PKP4: variants seen among roughly 807,000 people sequenced by gnomAD.
The protein encoded by PKP4 is plakophilin-4.
A neutral mutation model predicts 145.1 loss-of-function variants in PKP4; 90 were observed. That is an observed-to-expected ratio of 0.62 (90% CI 0.52 to 0.74). The LOEUF (loss-of-function observed/expected upper bound fraction) is 0.74, where lower values mean the gene tolerates loss of function less well. PKP4 is among the 30% of genes least tolerant of loss of function. The pLI, the probability that PKP4 is intolerant of heterozygous loss-of-function variation, is 0.00. For missense variants in PKP4, 1,340 were observed against 1,482.7 expected (o/e 0.90, Z 1.58); for synonymous variants, 563 against 577.2 (o/e 0.98, Z 0.35).
Position 158,625,272 on chromosome 2 carries a change from T to G in PKP4, c.998T>G (p.Val333Gly), listed in dbSNP as rs1443452571. 1 of 1,614,148 alleles carries G rather than the reference T, an allele frequency of 6.2e-7. No homozygotes were observed. Among genetic ancestry groups the G allele is most frequent in the Non-Finnish European group, 8.5e-7 (1 of 1,180,014 alleles). ...GTAGCTTCCCCATCCCAAGGCCAGG[T>G]GGGGTCGTCGTCCCCCAAACGCTCA... ...TRVASPSQGQ[V>G]GSSSPKRSGM... Residue 333 changes from valine (V) to glycine (G), a missense_variant, in exon 7 of 22, where the codon GTG becomes GGG. By Grantham distance (109) the Val-to-Gly change is moderately radical. Coordinates refer to ENST00000389759, the MANE Select transcript of PKP4 (RefSeq NM_003628.6).
chr2:158,635,076 T>C lies in PKP4; in HGVS notation c.1562+787T>C, dbSNP rs1574889430. On this transcript the variant is annotated intron_variant, in intron 9 of 21. Coordinates refer to ENST00000389759, the MANE Select transcript of PKP4 (RefSeq NM_003628.6). Reference sequence around the variant, plus strand: ...CTTTAGTGTTATTTTAAGGCATGTATGCAAGATTTCATTCACTCTTCGCCC... The same window carrying C: ...CTTTAGTGTTATTTTAAGGCATGTACGCAAGATTTCATTCACTCTTCGCCC... Among the ~76,000 whole-genome samples the C allele has an allele frequency of 4.6e-5, 7 of 152,322 alleles. No homozygotes were observed. In the South Asian group the frequency reaches 1.4e-3, roughly 32 times the overall value.
At chr2:158,620,230 A>T (rs2105889989) in intron 4 of PKP4, among the ~76,000 whole-genome samples, 1 of 152,302 alleles carries the variant, frequency 6.6e-6, no homozygotes, top group South Asian at 2.1e-4. Flanking sequence ...TTAGAGAAAG[A>T]AGGACATACG....
intron 4 of PKP4, among the ~76,000 whole-genome samples, chr2:158,605,112 T>C (rs1366290573): frequency 1.3e-5 from 2 of 152,268 alleles, no homozygotes; most frequent in South Asian, 2.1e-4. Context: ...CAACAAAGTA[T>C]TCCAAGGGCC....
chr2:158,489,443 G>A (rs900308109), intron 1 of PKP4, among the ~76,000 whole-genome samples: 9 of 152,158 alleles, frequency 5.9e-5, no homozygotes, highest in African/African-American at 2.2e-4. Flanking sequence ...ATGATTGGCT[G>A]CTTGTCTTTT....
At chr2:158,651,951 G>A (rs1006274689) in intron 11 of PKP4, among the ~76,000 whole-genome samples, 5 of 152,104 alleles carry the variant, frequency 3.3e-5, no homozygotes, top group African/African-American at 4.8e-5. Context: ...ACTGTTTGTG[G>A]TAAGGCCCCC....
At chr2:158,521,214 C>G (rs2042343646) in intron 1 of PKP4, among the ~76,000 whole-genome samples, 1 of 152,130 alleles carries the variant, frequency 6.6e-6, no homozygotes, top group Non-Finnish European at 1.5e-5. Flanking sequence ...GGGATAGTTA[C>G]CATTATTCCA....
chr2:158,610,247 T>G (rs1170776075), intron 4 of PKP4, among the ~76,000 whole-genome samples: 2 of 152,228 alleles, frequency 1.3e-5, no homozygotes, highest in Non-Finnish European at 2.9e-5. Flanking sequence ...AATGTTATGT[T>G]AGCGCTCCCT....
At chr2:158,477,928 A>G (rs1692745350) in intron 1 of PKP4, among the ~76,000 whole-genome samples, 1 of 152,232 alleles carries the variant, frequency 6.6e-6, no homozygotes, top group Admixed American at 6.5e-5. Context: ...ATGCCAATAA[A>G]TAAATTGATG....
intron 1 of PKP4, among the ~76,000 whole-genome samples, chr2:158,488,410 C>A (rs1001853541): frequency 4.6e-5 from 7 of 152,126 alleles, no homozygotes; most frequent in African/African-American, 1.4e-4. Context: ...AGAAATGGTG[C>A]CTTGCTAAAT....
chr2:158,549,347 CT>C (rs2045381972), intron 2 of PKP4: 1 of 152,130 alleles, frequency 6.6e-6, no homozygotes, highest in African/African-American at 2.4e-5. Flanking sequence ...TATTTCATGT[CT>C]AAAAAATAGG....
At chr2:158,575,516 AT>A (rs891442181) in intron 2 of PKP4, among the ~76,000 whole-genome samples, 4 of 152,084 alleles carry the variant, frequency 2.6e-5, no homozygotes, top group African/African-American at 9.6e-5. Context: ...TATGAATGGA[AT>A]TTTTTTTCTA....
chr2:158,537,743 C>T (rs1574366248), intron 2 of PKP4, among the ~76,000 whole-genome samples: 1 of 152,138 alleles, frequency 6.6e-6, no homozygotes, highest in South Asian at 2.1e-4. Context: ...TAGATAAATA[C>T]AGCGCTGGGC....
intron 1 of PKP4, among the ~76,000 whole-genome samples, chr2:158,530,712 G>A: frequency 6.6e-6 from 1 of 151,960 alleles, no homozygotes; most frequent in South Asian, 2.1e-4. Context: ...GGCATATTGA[G>A]ACTGCTTCAG....
chr2:158,513,963 C>T (rs574551638), intron 1 of PKP4, among the ~76,000 whole-genome samples: 65 of 152,284 alleles, frequency 4.3e-4, no homozygotes, highest in African/African-American at 1.4e-3. Context: ...CTCTCCCATG[C>T]GAAGTTGAGC....
intron 1 of PKP4, among the ~76,000 whole-genome samples, chr2:158,482,309 C>A (rs1693482158): frequency 6.6e-6 from 1 of 152,170 alleles, no homozygotes; most frequent in African/African-American, 2.4e-5. Context: ...TGCCTCCATT[C>A]TTTCCCTTCC....
chr2:158,533,677 T>C, intron 2 of PKP4: 1 of 347,430 alleles, frequency 2.9e-6, no homozygotes, highest in South Asian at 2.3e-5. Flanking sequence ...TGTAATAGCG[T>C]TAGGTATTTT....
chr2:158,610,621 T>G (rs547947894), intron 4 of PKP4, among the ~76,000 whole-genome samples: 1 of 152,210 alleles, frequency 6.6e-6, no homozygotes, highest in South Asian at 2.1e-4. Flanking sequence ...TGGATTGAAG[T>G]TTTTTTGTCA....
At chr2:158,544,245 A>G (rs1347764371) in intron 2 of PKP4, among the ~76,000 whole-genome samples, 4 of 152,180 alleles carry the variant, frequency 2.6e-5, no homozygotes, top group Non-Finnish European at 5.9e-5. Context: ...GATAAGAGCA[A>G]TTAGTTGACT....
chr2:158,565,435 CT>C (rs10690465), intron 2 of PKP4, among the ~76,000 whole-genome samples: 26,673 of 135,684 alleles, frequency 0.2, 2,937 homozygotes, highest in Middle Eastern at 0.34. Context: ...TTCTTTTTTC[CT>C]TTTTTTTTTT....
Sources: gnomAD v4.1 joint callset for allele counts (sites outside exome capture counted in the v4.1 genomes callset) on GRCh38, gnomAD v4.1.1 for gene constraint, MANE v1.5 for transcripts, NCBI Gene and HGNC (gene_info 2026-07-23, HGNC 2026-07-21) for gene names.